Variants in CAMTA1 observed in about 807,000 individuals in gnomAD.
CAMTA1 encodes calmodulin binding transcription activator 1.
In CAMTA1, 27 loss-of-function variants were observed where a neutral mutation model predicts 170.9. The observed-to-expected ratio is 0.16, with a 90% CI of 0.12 to 0.22. CAMTA1 has a LOEUF of 0.22. CAMTA1 is among the 10% of genes least tolerant of loss of function. The probability of loss-of-function intolerance (pLI) is 1.00; values close to 1 mark genes in which losing one functional copy is unlikely to be tolerated. For synonymous variants in CAMTA1, 833 were observed against 891.5 expected, an observed-to-expected ratio of 0.93 and a Z score of 1.17; for missense variants, 1,619 against 2,217.2, an observed-to-expected ratio of 0.73 and a Z score of 5.42.
intron 6 of CAMTA1, among the ~76,000 whole-genome samples, chr1:7,517,582 G>A (rs1346675858): frequency 6.6e-6 from 1 of 152,070 alleles, no homozygotes. Context: ...TGATTCCAAA[G>A]GAAGGAAAAA....
Position 7,732,611 on chromosome 1 carries a change from T to C in CAMTA1, c.3066+12T>C. ...GGAGCCAGGCACAGGTACGAGGCGG[T>C]GCTGATGCTCAGCTCCCATTTCGCT... On this transcript the variant is annotated intron_variant, in intron 12 of 22. Transcript: ENST00000303635. The surrounding 1 kb of genome is among the most constrained non-coding windows in gnomAD (Gnocchi z 4.1). The C allele has an allele frequency of 6.3e-7, 1 of 1,581,996 alleles. No homozygotes were observed. Among genetic ancestry groups the C allele is most frequent in the Non-Finnish European group, 8.6e-7 (1 of 1,164,256 alleles).
intron 4 of CAMTA1, among the ~76,000 whole-genome samples, chr1:7,209,654 G>C (rs777559385): frequency 2.0e-5 from 3 of 152,192 alleles, no homozygotes; most frequent in Non-Finnish European, 4.4e-5. Flanking sequence ...ACAGGTCGCA[G>C]TGGTTGGTAA....
At chr1:6,906,741 C>T (rs1375044481) in intron 3 of CAMTA1, among the ~76,000 whole-genome samples, 1 of 152,186 alleles carries the variant, frequency 6.6e-6, no homozygotes, top group Non-Finnish European at 1.5e-5. Context: ...AGTTTCCCTC[C>T]CCCTCATTTT....
Position 7,534,923 on chromosome 1 carries a change from G to A in CAMTA1, c.510+67022G>A, listed in dbSNP as rs961029352. On this transcript the variant is annotated intron_variant, in intron 6 of 22. Transcript: ENST00000303635. This position sits in a 1 kb window ranked among gnomAD's most constrained non-coding sequence, Gnocchi z 5.6. Reference sequence around the variant, plus strand: ...CTCGATTTTGAAAAAGATGCAGAAAGAAGGAAAGAAAGTGGAGGGCAGAGG... The same window carrying A: ...CTCGATTTTGAAAAAGATGCAGAAAAAAGGAAAGAAAGTGGAGGGCAGAGG... Among the ~76,000 whole-genome samples, 2 of 151,860 alleles carry A rather than the reference G, an allele frequency of 1.3e-5. No homozygotes were observed. The highest frequency in any genetic ancestry group is 2.4e-5 in the African/African-American group (1 of 41,334).
At chr1:7,185,556 A>G (rs760786064) in intron 4 of CAMTA1, among the ~76,000 whole-genome samples, 2 of 152,218 alleles carry the variant, frequency 1.3e-5, no homozygotes, top group South Asian at 2.1e-4. Flanking sequence ...TAGTCCTGAC[A>G]TATCTCCCCA....
chr1:7,352,907 C>G (rs555155318), intron 5 of CAMTA1, among the ~76,000 whole-genome samples: 66 of 152,360 alleles, frequency 4.3e-4, no homozygotes, highest in East Asian at 3.1e-3. Flanking sequence ...CATCGAGGAA[C>G]AGAGGGACAG....
intron 5 of CAMTA1, among the ~76,000 whole-genome samples, chr1:7,290,101 G>A (rs1672906624): frequency 6.6e-6 from 1 of 152,230 alleles, no homozygotes; most frequent in Non-Finnish European, 1.5e-5. Context: ...ATATAGTGGG[G>A]AACATGTGAG....
chr1:7,547,907 C>T lies in CAMTA1; in HGVS notation c.510+80006C>T, dbSNP rs998333253. On this transcript the variant is annotated intron_variant, in intron 6 of 22. Coordinates refer to ENST00000303635, the MANE Select transcript of CAMTA1 (RefSeq NM_015215.4). The surrounding 1 kb of genome is among the most constrained non-coding windows in gnomAD (Gnocchi z 5.7). ...GACCCCCCACTCACCCGTCAATATGCCCTTATGCTGTTGTAAGGAGGATTC... is the reference window on the plus strand; with the variant it reads ...GACCCCCCACTCACCCGTCAATATGTCCTTATGCTGTTGTAAGGAGGATTC... Among the ~76,000 whole-genome samples the T allele has an allele frequency of 6.6e-6, 1 of 152,070 alleles. No homozygotes were observed. Among genetic ancestry groups the T allele is most frequent in the Non-Finnish European group, 1.5e-5 (1 of 68,018 alleles).
In CAMTA1 at chr1:7,240,055, T is replaced by C. The variant is rs111337416; in HGVS notation, c.303-9436T>C. On this transcript the variant is annotated intron_variant, in intron 4 of 22. Coordinates refer to ENST00000303635, the MANE Select transcript of CAMTA1 (RefSeq NM_015215.4). The stretch of plus-strand genomic sequence containing the variant: ...GGGATTAAGTTTCCAACACATGACC[T>C]TTAGGGGGACACATCCAAACCATAG... Among the ~76,000 whole-genome samples the C allele has an allele frequency of 3.9e-5, 6 of 152,282 alleles. 1 individual carries two copies. The South Asian group carries it at 1.2e-3, about 32-fold the overall frequency.
intron 3 of CAMTA1, among the ~76,000 whole-genome samples, chr1:7,049,160 G>A (rs1379726119): frequency 6.6e-6 from 1 of 152,172 alleles, no homozygotes; most frequent in Non-Finnish European, 1.5e-5. Context: ...GTTCATGTAC[G>A]AACTACAGGC....
chr1:6,854,250 A>G (rs1260110512), intron 3 of CAMTA1, among the ~76,000 whole-genome samples: 1 of 152,196 alleles, frequency 6.6e-6, no homozygotes, highest in Non-Finnish European at 1.5e-5. Flanking sequence ...CTATGTTTAT[A>G]TGTGTTTAGA....
rs1557972603 is a variant in CAMTA1, at chr1:7,594,142, G to GAAAGAAAGAAAGAAAGAAAGAAAGAAA, written c.511-46258_511-46257insAAAGAAAGAAAGAAAGAAAGAAAGAAA. ...GAGAAAGAAAGAAAGAAAGAAAGAA[G>GAAAGAAAGAAAGAAAGAAAGAAAGAAA]GAAGGAAGGAAAGAAGGAAGGAGAA... is the stretch of plus-strand genomic sequence containing the variant. On this transcript the variant is annotated intron_variant, in intron 6 of 22. Coordinates refer to ENST00000303635, the MANE Select transcript of CAMTA1 (RefSeq NM_015215.4). 2.8e-3 allele frequency among the ~76,000 whole-genome samples: 356 copies of GAAAGAAAGAAAGAAAGAAAGAAAGAAA among 125,554 alleles called. 6 individuals carry two copies. The highest frequency in any genetic ancestry group is 0.013 in the African/African-American group (337 of 26,544). The allele number at this position is 125,554 out of a possible 152,430, so 82.4% of individuals were successfully genotyped here. A position where few individuals can be genotyped will look rare whatever the true frequency, so the allele number is the denominator to read the frequency against.
chr1:7,212,580 G>A (rs1658973935), intron 4 of CAMTA1, among the ~76,000 whole-genome samples: 1 of 152,158 alleles, frequency 6.6e-6, no homozygotes, highest in South Asian at 2.1e-4. Flanking sequence ...GCAGTTGTAA[G>A]AACTAATACA....
chr1:7,526,135 C>T (rs1180838096), intron 6 of CAMTA1, among the ~76,000 whole-genome samples: 1 of 151,990 alleles, frequency 6.6e-6, no homozygotes, highest in African/African-American at 2.4e-5. Context: ...GAAGGCTTCC[C>T]AGGGAGGAGA....
chr1:7,677,633 C>T lies in CAMTA1; in HGVS notation c.2814C>T (p.Ala938=), dbSNP rs766283893. 6.2e-7 allele frequency: 1 copy of T among 1,614,142 alleles called. No homozygotes were observed. The highest frequency in any genetic ancestry group is 8.5e-7 in the Non-Finnish European group (1 of 1,180,006). The stretch of plus-strand genomic sequence containing the variant: ...CTGGTCTTGTGACCCTACAAGTTGC[C>T]TTCAACAACCAGATCATCTCCAACT... ...HDTGLVTLQV[A]FNNQIISNSV... is the part of the protein sequence containing the mutation. The change falls in exon 11 of 23, where the codon GCC becomes GCT. Residue 938 remains alanine (A), a synonymous_variant. Coordinates refer to ENST00000303635, the MANE Select transcript of CAMTA1 (RefSeq NM_015215.4).
rs2097029622 is a variant in CAMTA1, at chr1:7,767,288, C to G, written c.*797C>G. 1 of 152,734 alleles carries G rather than the reference C, an allele frequency of 6.5e-6. No homozygotes were observed. The highest frequency in any genetic ancestry group is 1.5e-5 in the Non-Finnish European group (1 of 68,014). The allele number at this position is 152,734 out of a possible 1,614,324, so 9.5% of individuals were successfully genotyped here. ...CTTGTCCCCTTTTTCATGTTCAGCA[C>G]TTTAATTTTTTTGCCTTACTTTCAT... is the stretch of plus-strand genomic sequence containing the variant. On this transcript the variant is annotated 3_prime_UTR_variant, in exon 23 of 23. Transcript: ENST00000303635.
At chr1:7,271,565 GAGATAGATAGATAGATAGAT>G (rs138661434) in intron 5 of CAMTA1, among the ~76,000 whole-genome samples, 15,451 of 142,822 alleles carry the variant, frequency 0.11, 1,374 homozygotes, top group African/African-American at 0.24. Flanking sequence ...ACTGAGAAAA[GAGATAGATAGATAGATAGAT>G]AGATAGATAG....
chr1:6,884,644 C>T (rs1033583656), intron 3 of CAMTA1, among the ~76,000 whole-genome samples: 1 of 152,170 alleles, frequency 6.6e-6, no homozygotes, highest in African/African-American at 2.4e-5. Flanking sequence ...AAAAATTACC[C>T]TCAAAAATCC....
intron 4 of CAMTA1, among the ~76,000 whole-genome samples, chr1:7,104,050 AACTACACAGATGTACAC>A (rs1258279386): frequency 5.3e-5 from 8 of 149,560 alleles, no homozygotes; most frequent in Admixed American, 2.0e-4. Flanking sequence ...CAACACACAC[AACTACACAGATGTACAC>A]ACTACACAGA....
Sources: allele counts gnomAD v4.1 joint callset (sites outside exome capture counted in the v4.1 genomes callset), GRCh38; gene constraint gnomAD v4.1.1; non-coding constraint Gnocchi (gnomAD v3.1); transcripts MANE v1.5; gene names NCBI Gene and HGNC (gene_info 2026-07-23, HGNC 2026-07-21).